Variants in CENPT observed in about 807,000 individuals in gnomAD.
CENPT encodes the protein interphase centromere complex protein 22.
A neutral mutation model predicts 59.7 loss-of-function variants in CENPT; 42 were observed. The observed-to-expected ratio is 0.70, with a 90% CI of 0.55 to 0.91. The LOEUF is 0.91. Ranked by LOEUF, CENPT falls within the 40% of genes least tolerant of loss-of-function variation. CENPT has a pLI of 0.00. For synonymous variants in CENPT, 295 were observed against 289.6 expected (o/e 1.02, Z -0.19); for missense variants, 716 against 713.4 (o/e 1.00, Z -0.04).
At chr16:67,846,302 T>C (rs1037781219) in intron 1 of CENPT, among the ~76,000 whole-genome samples, 3 of 152,268 alleles carry the variant, frequency 2.0e-5, no homozygotes, top group Non-Finnish European at 2.9e-5. Flanking sequence ...TGTAGAAGTT[T>C]GAGGGTAACC....
At chr16:67,830,222 C>T (rs567026350) in intron 11 of CENPT, 134 bp from the exon 12 acceptor site, 42 of 1,215,364 alleles carry the variant, frequency 3.5e-5, no homozygotes, top group Non-Finnish European at 4.9e-5. Context: ...AGCACCAGGA[C>T]ATGGATCTGA....
chr16:67,833,728 C>G (rs759626545), intron 4 of CENPT, 22 bp downstream of exon 4: 3 of 1,445,388 alleles, frequency 2.1e-6, no homozygotes, highest in Non-Finnish European at 2.8e-6. Context: ...TGCTCAAGTA[C>G]TCGGGGAGCC....
chr16:67,835,941 G>A (rs1468711941), intron 1 of CENPT, among the ~76,000 whole-genome samples: 1 of 151,596 alleles, frequency 6.6e-6, no homozygotes, highest in Admixed American at 6.6e-5. Context: ...ATAGAGACGG[G>A]GTTTCACCAT....
rs1485038078 is a variant in CENPT at position 67,835,152 on chromosome 16, T to C, written c.-242+20A>G. 1 of 152,216 alleles carries C rather than the reference T, an allele frequency of 6.6e-6. No individual in the cohort carries two copies. The highest frequency in any genetic ancestry group is 1.5e-5 in the Non-Finnish European group (1 of 68,038). The allele number at this position is 152,216 out of a possible 1,614,324, so 9.4% of individuals were successfully genotyped here. A position where few individuals can be genotyped will look rare whatever the true frequency, so the allele number is the denominator to read the frequency against. On this transcript the variant is annotated intron_variant, in intron 3 of 15. Transcript: ENST00000562787. Reference sequence around the variant, plus strand: ...CACTGCGCCCGGCCATTAAAAATTTTTAATGCTAGAGATGCTTACCATATT... The same window carrying C: ...CACTGCGCCCGGCCATTAAAAATTTCTAATGCTAGAGATGCTTACCATATT...
Position 67,844,523 on chromosome 16 carries a change from A to T in CENPT, c.-492+2878T>A, listed in dbSNP as rs145876374. Among the ~76,000 whole-genome samples the T allele has an allele frequency of 2.0e-4, 30 of 152,312 alleles. No homozygotes were observed. The South Asian group carries it at 3.5e-3, about 18-fold the overall frequency. On this transcript the variant is annotated intron_variant, in intron 1 of 15. Coordinates refer to ENST00000562787, the MANE Select transcript of CENPT (RefSeq NM_025082.4). ...TGATAGTTCGCCTCTGAGGGTTTCA[A>T]TTCTCAGCTGGGATTGAATTTTGCT...
rs1235157819 is a variant in CENPT, at chr16:67,843,749, A to C, written c.-492+3652T>G. The C allele has an allele frequency of 2.0e-6, 1 of 487,850 alleles. No individual in the cohort carries two copies. Among genetic ancestry groups the C allele is most frequent in the African/African-American group, 2.0e-5 (1 of 50,544 alleles). The allele number at this position is 487,850 out of a possible 1,614,324, so 30.2% of individuals were successfully genotyped here. ...ACCCTTCCTCCCCAGTTATTGTTGCAGATTCTGGTTAAGCAGAGGCTTCAG... is the reference window on the plus strand; with the variant it reads ...ACCCTTCCTCCCCAGTTATTGTTGCCGATTCTGGTTAAGCAGAGGCTTCAG... On this transcript the variant is annotated intron_variant, in intron 1 of 15. Coordinates refer to ENST00000562787, the MANE Select transcript of CENPT (RefSeq NM_025082.4). The surrounding 1 kb of genome is among the most constrained non-coding windows in gnomAD (Gnocchi z 5.7).
intron 1 of CENPT, among the ~76,000 whole-genome samples, chr16:67,846,581 T>A (rs1233077604): frequency 6.6e-6 from 1 of 152,202 alleles, no homozygotes. Context: ...GGGGCCGGGC[T>A]GGGCTCCCAC....
At chr16:67,841,077 C>G (rs959336226) in intron 1 of CENPT, among the ~76,000 whole-genome samples, 1 of 142,510 alleles carries the variant, frequency 7.0e-6, no homozygotes, top group African/African-American at 2.6e-5. Flanking sequence ...CGCCTGTAGT[C>G]CCAGCTACTC....
chr16:67,843,321 A>G lies in CENPT; in HGVS notation c.-492+4080T>C. On this transcript the variant is annotated intron_variant, in intron 1 of 15. Transcript: ENST00000562787. This position sits in a 1 kb window ranked among gnomAD's most constrained non-coding sequence, Gnocchi z 5.7. ...TTGTCGTCAGGCACCACGGAGGAGG[A>G]GCTCCTGCGCAAGCTGAATGAGCAG... 6.2e-7 allele frequency: 1 copy of G among 1,613,890 alleles called. No individual in the cohort carries two copies. Among genetic ancestry groups the G allele is most frequent in the Non-Finnish European group, 8.5e-7 (1 of 1,180,030 alleles).
Position 67,842,983 on chromosome 16 carries a change from C to G in CENPT, c.-492+4418G>C. 6.2e-7 allele frequency: 1 copy of G among 1,612,234 alleles called. No individual in the cohort carries two copies. The highest frequency in any genetic ancestry group is 1.1e-5 in the South Asian group (1 of 91,040). On this transcript the variant is annotated intron_variant, in intron 1 of 15. Transcript: ENST00000562787. The surrounding 1 kb of genome is among the most constrained non-coding windows in gnomAD (Gnocchi z 4.9). ...CCTCTGCCTCCACTGCCCAGACTGC[C>G]CAGCTGCAGCCGAACCTGGTATCTG... is the stretch of plus-strand genomic sequence containing the variant.
intron 13 of CENPT, chr16:67,829,137 C>T: frequency 1.9e-6 from 1 of 516,928 alleles, no homozygotes; most frequent in Non-Finnish European, 3.4e-6. Flanking sequence ...TAGTCTCTCT[C>T]CTTACTCTAC....
chr16:67,832,353 G>A, intron 5 of CENPT, 38 bp from the exon 6 acceptor site: 5 of 1,607,078 alleles, frequency 3.1e-6, no homozygotes, highest in Non-Finnish European at 4.3e-6. Flanking sequence ...CTGTCCGTCT[G>A]CCTTGAGATT....
In CENPT at chr16:67,843,730, C is replaced by T. The variant is rs2057780456; in HGVS notation, c.-492+3671G>A. 1 of 498,144 alleles carries T rather than the reference C, an allele frequency of 2.0e-6. No individual in the cohort carries two copies. Among genetic ancestry groups the T allele is most frequent in the Admixed American group, 3.8e-5 (1 of 26,072 alleles). The allele number at this position is 498,144 out of a possible 1,614,324, so 30.9% of individuals were successfully genotyped here. A position where few individuals can be genotyped will look rare whatever the true frequency, so the allele number is the denominator to read the frequency against. On this transcript the variant is annotated intron_variant, in intron 1 of 15. Coordinates refer to ENST00000562787, the MANE Select transcript of CENPT (RefSeq NM_025082.4). This position sits in a 1 kb window ranked among gnomAD's most constrained non-coding sequence, Gnocchi z 5.7. ...AGCAATTATGACTTTGTCTACCCTTCCTCCCCAGTTATTGTTGCAGATTCT... is the reference window on the plus strand; with the variant it reads ...AGCAATTATGACTTTGTCTACCCTTTCTCCCCAGTTATTGTTGCAGATTCT...
intron 1 of CENPT, among the ~76,000 whole-genome samples, chr16:67,835,976 C>T (rs2151287189): frequency 6.6e-6 from 1 of 152,120 alleles, no homozygotes; most frequent in Non-Finnish European, 1.5e-5. Context: ...TCTCGAACTC[C>T]TCATGATCCG....
intron 8 of CENPT, 54 bp from the exon 9 acceptor site, chr16:67,831,666 A>G: frequency 6.2e-7 from 1 of 1,610,302 alleles, no homozygotes; most frequent in Admixed American, 1.7e-5. Flanking sequence ...TAAGTGATCC[A>G]GGCCTGTGAG....
Position 67,842,957 on chromosome 16 carries a change from C to G in CENPT, c.-492+4444G>C, listed in dbSNP as rs569644247. 3.1e-6 allele frequency: 5 copies of G among 1,611,898 alleles called. No individual in the cohort carries two copies. The highest frequency in any genetic ancestry group is 4.2e-6 in the Non-Finnish European group (5 of 1,180,014). ...GCAGCAGCAGCAGCAGCAGTCCTCA[C>G]CCTCTGCCTCCACTGCCCAGACTGC... is the stretch of plus-strand genomic sequence containing the variant. On this transcript the variant is annotated intron_variant, in intron 1 of 15. Transcript: ENST00000562787. This position sits in a 1 kb window ranked among gnomAD's most constrained non-coding sequence, Gnocchi z 4.9.
chr16:67,843,577 T>C lies in CENPT; in HGVS notation c.-492+3824A>G. The C allele has an allele frequency of 7.0e-7, 1 of 1,431,226 alleles. No individual in the cohort carries two copies. The highest frequency in any genetic ancestry group is 9.5e-7 in the Non-Finnish European group (1 of 1,052,730). 88.7% of individuals were successfully genotyped at this position (1,431,226 alleles called of 1,614,324 possible). On this transcript the variant is annotated intron_variant, in intron 1 of 15. Coordinates refer to ENST00000562787, the MANE Select transcript of CENPT (RefSeq NM_025082.4). The surrounding 1 kb of genome is among the most constrained non-coding windows in gnomAD (Gnocchi z 5.7). Reference sequence around the variant, plus strand: ...CGCAGGCCATTGTTGAACTCCTCTATACTCCTGGGCACTGGTTGACAGTAC... The same window carrying C: ...CGCAGGCCATTGTTGAACTCCTCTACACTCCTGGGCACTGGTTGACAGTAC...
intron 4 of CENPT, 75 bp from the exon 5 acceptor site, chr16:67,832,620 G>A: frequency 7.3e-7 from 1 of 1,360,754 alleles, no homozygotes; most frequent in Non-Finnish European, 1.0e-6. Context: ...GCCTTCATCA[G>A]GGGTCTTGGT....
intron 1 of CENPT, among the ~76,000 whole-genome samples, chr16:67,844,647 G>A (rs2057785328): frequency 6.6e-6 from 1 of 152,208 alleles, no homozygotes; most frequent in Non-Finnish European, 1.5e-5. Flanking sequence ...AGCCAGGGCT[G>A]CTTCAGGCAC....
Sources: allele counts gnomAD v4.1 joint callset (sites outside exome capture counted in the v4.1 genomes callset), GRCh38; gene constraint gnomAD v4.1.1; non-coding constraint Gnocchi (gnomAD v3.1); transcripts MANE v1.5; gene names NCBI Gene and HGNC (gene_info 2026-07-23, HGNC 2026-07-21).